Variants in PBX3 observed in about 807,000 individuals in gnomAD.
PBX3 encodes the protein pre-B-cell leukemia transcription factor 3.
In PBX3, 14 loss-of-function variants were observed where a neutral mutation model predicts 48.5. That is an observed-to-expected ratio of 0.29 (90% CI 0.19 to 0.45). PBX3 has a LOEUF of 0.45. PBX3 is among the 20% of genes least tolerant of loss of function. PBX3 has a pLI of 1.00. For synonymous variants in PBX3, 210 were observed against 200.3 expected (o/e 1.05, Z -0.41); for missense variants, 386 against 546.7 (o/e 0.71, Z 2.93).
At chr9:125,791,501 G>A (rs942560006) in intron 2 of PBX3, among the ~76,000 whole-genome samples, 5 of 152,058 alleles carry the variant, frequency 3.3e-5, no homozygotes, top group Non-Finnish European at 7.4e-5. Flanking sequence ...TGTTCTTATG[G>A]TAGTGAGTGA....
At chr9:125,864,262 T>A (rs775979681) in intron 2 of PBX3, among the ~76,000 whole-genome samples, 8 of 152,110 alleles carry the variant, frequency 5.3e-5, no homozygotes, top group Admixed American at 5.2e-4. Flanking sequence ...GATAACACAC[T>A]CTTTTTGAGA....
intron 2 of PBX3, among the ~76,000 whole-genome samples, chr9:125,778,881 G>C (rs1837156677): frequency 7.4e-6 from 1 of 134,340 alleles, no homozygotes; most frequent in African/African-American, 2.8e-5. Flanking sequence ...TTTAAAAAAT[G>C]GTTCTTTTTG....
chr9:125,920,371 A>G (rs1456208511), intron 3 of PBX3, among the ~76,000 whole-genome samples: 1 of 152,200 alleles, frequency 6.6e-6, no homozygotes, highest in Non-Finnish European at 1.5e-5. Context: ...ACTTAAGCCA[A>G]GGTTCCTGGG....
chr9:125,750,462 CT>C (rs1836340313), intron 2 of PBX3, among the ~76,000 whole-genome samples: 1 of 152,148 alleles, frequency 6.6e-6, no homozygotes, highest in South Asian at 2.1e-4. Context: ...TTGCACAGGA[CT>C]TAGTTACACC....
intron 5 of PBX3, among the ~76,000 whole-genome samples, chr9:125,940,860 A>G (rs1488461854): frequency 6.6e-6 from 1 of 152,192 alleles, no homozygotes; most frequent in African/African-American, 2.4e-5. Context: ...AGGAAGAACT[A>G]TTTCTTGATC....
intron 2 of PBX3, among the ~76,000 whole-genome samples, chr9:125,841,403 T>A (rs943418624): frequency 6.6e-6 from 1 of 152,246 alleles, no homozygotes; most frequent in African/African-American, 2.4e-5. Flanking sequence ...TTGTTTGTGT[T>A]AATCTAGCAC....
chr9:125,871,121 G>A (rs778462115), intron 2 of PBX3, among the ~76,000 whole-genome samples: 3 of 152,074 alleles, frequency 2.0e-5, no homozygotes, highest in Non-Finnish European at 2.9e-5. Context: ...AAAATAGGCC[G>A]GATGCAGTGG....
intron 5 of PBX3, among the ~76,000 whole-genome samples, chr9:125,937,369 C>A (rs1277103946): frequency 6.6e-6 from 1 of 151,472 alleles, no homozygotes; most frequent in Non-Finnish European, 1.5e-5. Flanking sequence ...TTAAAAAAAA[C>A]AGTTAATTAT....
At chr9:125,788,196 C>T (rs951504955) in intron 2 of PBX3, among the ~76,000 whole-genome samples, 1 of 152,160 alleles carries the variant, frequency 6.6e-6, no homozygotes, top group Non-Finnish European at 1.5e-5. Context: ...TTTAGAAAAG[C>T]AGAATATTAA....
chr9:125,773,012 G>C, intron 2 of PBX3, among the ~76,000 whole-genome samples: 1 of 152,170 alleles, frequency 6.6e-6, no homozygotes, highest in East Asian at 1.9e-4. Flanking sequence ...AGACAGGCAG[G>C]GATGACATCA....
chr9:125,877,491 G>A (rs747647952), intron 2 of PBX3, among the ~76,000 whole-genome samples: 10 of 152,178 alleles, frequency 6.6e-5, no homozygotes, highest in Non-Finnish European at 1.3e-4. Context: ...CTACGTAAGT[G>A]TGTAAAAACA....
At chr9:125,888,665 T>TGCTGTTTTTA (rs1840561964) in intron 2 of PBX3, among the ~76,000 whole-genome samples, 1 of 152,152 alleles carries the variant, frequency 6.6e-6, no homozygotes, top group Non-Finnish European at 1.5e-5. Context: ...AAAAACAGCA[T>TGCTGTTTTTA]TAATGAAACT....
At chr9:125,815,704 G>A (rs1049221904) in intron 2 of PBX3, among the ~76,000 whole-genome samples, 1 of 152,072 alleles carries the variant, frequency 6.6e-6, no homozygotes, top group South Asian at 2.1e-4. Flanking sequence ...GTGTGTGTGT[G>A]TGTGTGTGTG....
At chr9:125,959,753 T>G (rs1842387410) in intron 5 of PBX3, among the ~76,000 whole-genome samples, 3 of 152,178 alleles carry the variant, frequency 2.0e-5, no homozygotes, top group African/African-American at 7.2e-5. Context: ...ATTAAGAAAT[T>G]ATTGAAAAGT....
At chr9:125,884,085 C>T (rs1368487471) in intron 2 of PBX3, among the ~76,000 whole-genome samples, 1 of 152,164 alleles carries the variant, frequency 6.6e-6, no homozygotes, top group South Asian at 2.1e-4. Context: ...AGGCAAGTCA[C>T]AGGAAATTAA....
Position 125,778,264 on chromosome 9 carries a change from CT to C in PBX3, c.274+29653del, listed in dbSNP as rs758599177. Among the ~76,000 whole-genome samples the C allele has an allele frequency of 1.5e-3, 185 of 123,728 alleles. 1 individual carries two copies. Among genetic ancestry groups the C allele is most frequent in the African/African-American group, 2.1e-3 (58 of 27,378 alleles). The allele number at this position is 123,728 out of a possible 152,430, so 81.2% of individuals were successfully genotyped here. On this transcript the variant is annotated intron_variant, in intron 2 of 8. Coordinates refer to ENST00000373489, the MANE Select transcript of PBX3 (RefSeq NM_006195.6). ...GGTGTGAGCCACCGTGCCTGGCCCT[CT>C]TTTTTTTTTTTGAGACGGAGTCTCA...
chr9:125,947,106 A>G (rs1481154091), intron 5 of PBX3, among the ~76,000 whole-genome samples: 2 of 152,202 alleles, frequency 1.3e-5, no homozygotes, highest in Non-Finnish European at 2.9e-5. Flanking sequence ...AGTGGAGGTG[A>G]AATAAAGACA....
At chr9:125,834,554 G>A (rs1432290657) in intron 2 of PBX3, among the ~76,000 whole-genome samples, 4 of 151,242 alleles carry the variant, frequency 2.6e-5, no homozygotes, top group Admixed American at 1.3e-4. Context: ...CCACCACTGC[G>A]ACCGGCTAAT....
chr9:125,797,540 A>G (rs1405423002), intron 2 of PBX3: 2 of 152,152 alleles, frequency 1.3e-5, no homozygotes, highest in Non-Finnish European at 2.9e-5. Context: ...TTCTTTTCAT[A>G]TAAGATAAAT....
Sources: allele counts gnomAD v4.1 joint callset (sites outside exome capture counted in the v4.1 genomes callset), GRCh38; gene constraint gnomAD v4.1.1; transcripts MANE v1.5; gene names NCBI Gene and HGNC (gene_info 2026-07-23, HGNC 2026-07-21).